Variants in TEX9 observed in about 807,000 individuals in gnomAD.
The protein encoded by TEX9 is testis-expressed protein 9.
A neutral mutation model predicts 59.6 loss-of-function variants in TEX9; 74 were observed. That is an observed-to-expected ratio of 1.24 (90% CI 1.03 to 1.51). TEX9 has a LOEUF of 1.51. TEX9 is among the 40% of genes most tolerant of loss of function. TEX9 has a pLI of 0.00. For synonymous variants in TEX9, 186 were observed against 152.2 expected (o/e 1.22, Z -1.64); for missense variants, 522 against 447.8 (o/e 1.17, Z -1.49).
chr15:56,288,643 T>A (rs1212330547), intron 1 of TEX9, among the ~76,000 whole-genome samples: 3 of 49,070 alleles, frequency 6.1e-5, no homozygotes, highest in Non-Finnish European at 2.2e-4. Flanking sequence ...AATTTGTTTC[T>A]TTTCTCTTGC....
intron 1 of TEX9, chr15:56,323,485 T>A: frequency 5.3e-6 from 1 of 188,478 alleles, no homozygotes; most frequent in South Asian, 1.2e-4. Context: ...GGGAGAGATG[T>A]GGAATAACAC....
chr15:56,266,710 T>C (rs1378215933), intron 1 of TEX9, among the ~76,000 whole-genome samples: 2 of 152,248 alleles, frequency 1.3e-5, no homozygotes, highest in Non-Finnish European at 1.5e-5. Context: ...CCATATTTTC[T>C]TAATCCTGCC....
At chr15:56,365,773 A>G (rs1596121180) in intron 2 of TEX9, 103 bp downstream of exon 2, 2 of 1,516,112 alleles carry the variant, frequency 1.3e-6, no homozygotes, top group Non-Finnish European at 1.8e-6. Context: ...GGGACCACTC[A>G]CTCTGCAGCA....
At chr15:56,350,017 T>C (rs2046547188) in intron 1 of TEX9, among the ~76,000 whole-genome samples, 1 of 152,112 alleles carries the variant, frequency 6.6e-6, no homozygotes, top group Admixed American at 6.5e-5. Flanking sequence ...GAAAGTGAGC[T>C]GTCCCTCCCC....
At chr15:56,282,013 T>C (rs1305551894) in intron 1 of TEX9, among the ~76,000 whole-genome samples, 1 of 152,212 alleles carries the variant, frequency 6.6e-6, no homozygotes, top group Admixed American at 6.5e-5. Context: ...GTTGATGTTC[T>C]ATCATTCTAA....
At chr15:56,384,053 G>T in intron 4 of TEX9, 22 bp downstream of exon 4, 1 of 1,574,658 alleles carries the variant, frequency 6.4e-7, no homozygotes, top group Non-Finnish European at 8.7e-7. Flanking sequence ...AAATTCTCAA[G>T]CACCTTCTTT....
At chr15:56,366,221 G>C (rs1199288403) in intron 2 of TEX9, among the ~76,000 whole-genome samples, 1 of 152,152 alleles carries the variant, frequency 6.6e-6, no homozygotes, top group Non-Finnish European at 1.5e-5. Context: ...TTTTCACACA[G>C]CAGCCAGTGT....
chr15:56,286,408 C>G (rs1457279146), intron 1 of TEX9, among the ~76,000 whole-genome samples: 3 of 152,124 alleles, frequency 2.0e-5, no homozygotes, highest in African/African-American at 7.2e-5. Context: ...ACTGACACAT[C>G]ATCTTGTGCC....
At chr15:56,384,576 AT>A (rs1474730491) in intron 4 of TEX9, among the ~76,000 whole-genome samples, 29 of 152,288 alleles carry the variant, frequency 1.9e-4, no homozygotes, top group African/African-American at 7.0e-4. Context: ...AGCCACTGGA[AT>A]TTTTAGGTTA....
chr15:56,435,476 A>G (rs560360890), intron 12 of TEX9, among the ~76,000 whole-genome samples: 1 of 152,190 alleles, frequency 6.6e-6, no homozygotes, highest in South Asian at 2.1e-4. Context: ...AATATCAGGA[A>G]TAAAACATAG....
chr15:56,285,189 T>C (rs2044922907), intron 1 of TEX9, among the ~76,000 whole-genome samples: 1 of 152,172 alleles, frequency 6.6e-6, no homozygotes, highest in Non-Finnish European at 1.5e-5. Flanking sequence ...GGAGTGCTAG[T>C]TGCAGTCTCT....
chr15:56,418,122 T>A (rs1370341388), intron 10 of TEX9, among the ~76,000 whole-genome samples: 1 of 151,924 alleles, frequency 6.6e-6, no homozygotes, highest in Non-Finnish European at 1.5e-5. Context: ...GAGTCTTGCT[T>A]TTTTATCCAG....
At chr15:56,373,011 C>T (rs1596133857) in intron 2 of TEX9, among the ~76,000 whole-genome samples, 3 of 152,220 alleles carry the variant, frequency 2.0e-5, no homozygotes, top group African/African-American at 7.2e-5. Flanking sequence ...AGCAATACCC[C>T]AAACCAGAGC....
intron 2 of TEX9, among the ~76,000 whole-genome samples, chr15:56,370,680 T>G (rs1269346278): frequency 1.3e-5 from 2 of 152,204 alleles, no homozygotes; most frequent in Non-Finnish European, 2.9e-5. Context: ...TTTTCTCTGT[T>G]GTTTTGAAAT....
At chr15:56,309,710 T>A (rs867510977) in intron 1 of TEX9, among the ~76,000 whole-genome samples, 1 of 132,684 alleles carries the variant, frequency 7.5e-6, no homozygotes, top group African/African-American at 2.6e-5. Context: ...TTTTTTTTTT[T>A]TTTTTTTTTT....
At chr15:56,389,183 C>T in intron 5 of TEX9, 135 bp from the exon 6 acceptor site, 1 of 712,192 alleles carries the variant, frequency 1.4e-6, no homozygotes, top group Non-Finnish European at 2.5e-6. Flanking sequence ...TTCTTGAAAA[C>T]ACATTTTTGG....
intron 1 of TEX9, among the ~76,000 whole-genome samples, chr15:56,328,631 G>A (rs1468132653): frequency 6.6e-6 from 1 of 152,188 alleles, no homozygotes; most frequent in Non-Finnish European, 1.5e-5. Context: ...GTGAATATTG[G>A]CAGTAGCCTG....
At chr15:56,437,034 G>A (rs928705489) in intron 12 of TEX9, among the ~76,000 whole-genome samples, 2 of 152,142 alleles carry the variant, frequency 1.3e-5, no homozygotes, top group African/African-American at 4.8e-5. Flanking sequence ...ACAAGGAGGA[G>A]CTGGTATCAT....
At chr15:56,383,868 G>T in intron 3 of TEX9, 84 bp from the exon 4 acceptor site, 2 of 928,444 alleles carry the variant, frequency 2.2e-6, no homozygotes, top group East Asian at 2.5e-5. Flanking sequence ...CTGAAATGAT[G>T]AATGTTCAGA....
Sources: allele counts gnomAD v4.1 joint callset (sites outside exome capture counted in the v4.1 genomes callset), GRCh38; gene constraint gnomAD v4.1.1; transcripts MANE v1.5; gene names NCBI Gene and HGNC (gene_info 2026-07-23, HGNC 2026-07-21).